MYRF: variants seen among roughly 807,000 people sequenced by gnomAD.
The protein encoded by MYRF is myelin gene regulatory factor.
Under a neutral mutation model 126.3 loss-of-function variants are expected in MYRF, and 16 were observed. The observed-to-expected ratio is 0.13, with a 90% CI of 0.09 to 0.19. MYRF has a LOEUF of 0.19. Ranked by LOEUF, MYRF falls within the 10% of genes least tolerant of loss-of-function variation. The probability of loss-of-function intolerance (pLI) is 1.00; values close to 1 mark genes in which losing one functional copy is unlikely to be tolerated. For synonymous variants in MYRF, 608 were observed against 635.3 expected (o/e 0.96, Z 0.65); for missense variants, 1,104 against 1,547.0 (o/e 0.71, Z 4.80).
intron 1 of MYRF, chr11:61,755,685 C>T: frequency 1.4e-6 from 1 of 700,028 alleles, no homozygotes; most frequent in Non-Finnish European, 2.6e-6. Context: ...TGAAGAAGCT[C>T]ACTGCCCAGC....
At chr11:61,755,775 A>G in intron 1 of MYRF, 2 of 558,920 alleles carry the variant, frequency 3.6e-6, no homozygotes, top group Non-Finnish European at 6.8e-6. Flanking sequence ...CTAGGGGCAC[A>G]TGAGGCTCGA....
chr11:61,776,262 G>A lies in MYRF; in HGVS notation c.1389-60G>A. 1 of 1,572,168 alleles carries A rather than the reference G, an allele frequency of 6.4e-7. No homozygotes were observed. ...ACGTTGCTGGCCTGGGTGCCCCTCA[G>A]TGGCGTGGCTCTTGCAGCCTCCCTC... On this transcript the variant is annotated intron_variant, in intron 9 of 26. Coordinates refer to ENST00000278836, the MANE Select transcript of MYRF (RefSeq NM_001127392.3). The surrounding 1 kb of genome is among the most constrained non-coding windows in gnomAD (Gnocchi z 4.3).
At chr11:61,768,785 AAAT>A (rs1185975642) in intron 3 of MYRF, 1 of 155,932 alleles carries the variant, frequency 6.4e-6, no homozygotes, top group African/African-American at 2.4e-5. Flanking sequence ...TGCAAGAAAA[AAAT>A]AAACCCAGGC....
At chr11:61,765,561 C>A in intron 1 of MYRF, 64 bp from the exon 2 acceptor site, 1 of 1,364,508 alleles carries the variant, frequency 7.3e-7, no homozygotes, top group Middle Eastern at 2.4e-4. Flanking sequence ...GAGGGCTGGG[C>A]CCTGAAGCCC....
At chr11:61,758,588 G>C (rs1044584470) in intron 1 of MYRF, among the ~76,000 whole-genome samples, 1 of 152,200 alleles carries the variant, frequency 6.6e-6, no homozygotes, top group Non-Finnish European at 1.5e-5. Flanking sequence ...GCCTGTCGTC[G>C]GGTCAGTGAG....
chr11:61,763,848 G>A (rs1039866949), intron 1 of MYRF, among the ~76,000 whole-genome samples: 3 of 151,992 alleles, frequency 2.0e-5, no homozygotes, highest in South Asian at 2.1e-4. Flanking sequence ...CTGGGAGACC[G>A]AGCAAGACTC....
intron 1 of MYRF, among the ~76,000 whole-genome samples, chr11:61,754,699 G>A (rs952983242): frequency 1.1e-4 from 17 of 152,166 alleles, no homozygotes; most frequent in Admixed American, 8.5e-4. Flanking sequence ...CTGGCGGGGG[G>A]AGGCTGCGCT....
rs773534120 is a variant in MYRF, at chr11:61,781,044, G to C, written c.2571G>C (p.Leu857=). ...GLPGIQPSLL[L]VTTSLTSSAP... is the part of the protein sequence containing the mutation. Reference sequence around the variant, plus strand: ...CAGGCATACAGCCCTCTTTGCTGCTGGGTGCGTGTCTGGGCAGGTCTGGGT... The same window carrying C: ...CAGGCATACAGCCCTCTTTGCTGCTCGGTGCGTGTCTGGGCAGGTCTGGGT... The change falls in exon 20 of 27, where the codon CTG becomes CTC. Residue 857 remains leucine (L), a splice_region_variant and synonymous_variant. Transcript: ENST00000278836. The C allele has an allele frequency of 1.6e-5, 25 of 1,609,808 alleles. No individual in the cohort carries two copies. The East Asian group carries it at 5.6e-4, about 36-fold the overall frequency.
In MYRF at chr11:61,778,313, C is replaced by T. The variant is rs1226581507; in HGVS notation, c.1904-67C>T. ...CCTCTCCAGTCTTGCTCCCACTGTA[C>T]ATTACAAAGCTGTGAGTAGCCCTTT... On this transcript the variant is annotated intron_variant, in intron 13 of 26. Coordinates refer to ENST00000278836, the MANE Select transcript of MYRF (RefSeq NM_001127392.3). The surrounding 1 kb of genome is among the most constrained non-coding windows in gnomAD (Gnocchi z 4.6). The T allele has an allele frequency of 9.5e-7, 1 of 1,057,048 alleles. No individual in the cohort carries two copies. The highest frequency in any genetic ancestry group is 1.5e-6 in the Non-Finnish European group (1 of 673,918). The allele number at this position is 1,057,048 out of a possible 1,614,324, so 65.5% of individuals were successfully genotyped here.
intron 8 of MYRF, 54 bp downstream of exon 8, chr11:61,774,216 T>C: frequency 6.7e-7 from 1 of 1,495,862 alleles, no homozygotes; most frequent in Non-Finnish European, 9.0e-7. Context: ...TTGGGGGCAC[T>C]GAAAGACCCC....
At chr11:61,784,408 G>A (rs1283544964) in intron 25 of MYRF, 23 bp downstream of exon 25, 13 of 1,595,336 alleles carry the variant, frequency 8.1e-6, no homozygotes, top group Admixed American at 5.1e-5. Flanking sequence ...GGGAAGCTGC[G>A]GGCCGGCCAG....
chr11:61,781,012 G>C lies in MYRF; in HGVS notation c.2539G>C (p.Gly847Arg). ...GCTCCGACAGTCCCCCTTGACCACG[G>C]GGCTACCAGGCATACAGCCCTCTTT... ...TQLRQSPLTT[G>R]LPGIQPSLLL... The change falls in exon 20 of 27, where the codon GGG becomes CGG. Residue 847 changes from glycine to arginine, a missense_variant. By Grantham distance (125) the Gly-to-Arg change is moderately radical. Around this residue, in one of 10 missense-constraint regions of MYRF, gnomAD observed 323 missense variants for 383.1 expected, o/e 0.84. Transcript: ENST00000278836. 1 of 1,610,018 alleles carries C rather than the reference G, an allele frequency of 6.2e-7. No individual in the cohort carries two copies. Among genetic ancestry groups the C allele is most frequent in the East Asian group, 2.2e-5 (1 of 44,878 alleles).
chr11:61,784,636 G>T lies in MYRF; in HGVS notation c.3300+251G>T, dbSNP rs148999057. The stretch of plus-strand genomic sequence containing the variant: ...GACGTGGGGAAGACAGCAGATCACA[G>T]GTGCTAATGTGGATGAGTGCAATGA... On this transcript the variant is annotated intron_variant, in intron 25 of 26. Coordinates refer to ENST00000278836, the MANE Select transcript of MYRF (RefSeq NM_001127392.3). 2,615 of 495,800 alleles carry T rather than the reference G, an allele frequency of 5.3e-3. 11 individuals are homozygous for T. Among genetic ancestry groups the T allele is most frequent in the Non-Finnish European group, 7.9e-3 (2,155 of 273,230 alleles). 30.7% of individuals were successfully genotyped at this position (495,800 alleles called of 1,614,324 possible). A position where few individuals can be genotyped will look rare whatever the true frequency, so the allele number is the denominator to read the frequency against.
Position 61,770,409 on chromosome 11 carries a change from G to A in MYRF, c.624G>A (p.Lys208=). The part of the protein sequence containing the change: ...YPVLQRDLYM[K]AEPPIPHYAA... ...TCCTGCAGCGGGATCTGTACATGAA[G>A]GCCGAGCCCCCGATCCCCCACTACG... The change falls in exon 5 of 27, where the codon AAG becomes AAA. Residue 208 remains lysine (K), a synonymous_variant. Coordinates refer to ENST00000278836, the MANE Select transcript of MYRF (RefSeq NM_001127392.3). 1.4e-6 allele frequency: 2 copies of A among 1,463,194 alleles called. No homozygotes were observed. The highest frequency in any genetic ancestry group is 2.9e-5 in the East Asian group (1 of 34,918). The allele number at this position is 1,463,194 out of a possible 1,614,324, so 90.6% of individuals were successfully genotyped here. A position where few individuals can be genotyped will look rare whatever the true frequency, so the allele number is the denominator to read the frequency against.
chr11:61,755,503 G>A, intron 1 of MYRF: 1 of 1,584,092 alleles, frequency 6.3e-7, no homozygotes, highest in Non-Finnish European at 8.6e-7. Context: ...CACGGGACAG[G>A]GCAGTGTCTG....
intron 21 of MYRF, 106 bp from the exon 22 acceptor site, chr11:61,781,467 A>C: frequency 3.2e-6 from 5 of 1,541,948 alleles, no homozygotes; most frequent in Non-Finnish European, 4.4e-6. Flanking sequence ...CCCTGAGAGG[A>C]CCAAGAGACA....
At chr11:61,766,660 C>G (rs372841832) in intron 3 of MYRF, 2 of 246,646 alleles carry the variant, frequency 8.1e-6, no homozygotes, top group Non-Finnish European at 8.0e-6. Flanking sequence ...TCAGTTCCCC[C>G]CTACCCAAGC....
rs1462108930 is a variant in MYRF at position 61,771,618 on chromosome 11, C to T, written c.859C>T (p.Leu287=). The T allele has an allele frequency of 3.1e-6, 5 of 1,614,026 alleles. No homozygotes were observed. The South Asian group carries it at 4.4e-5, about 14-fold the overall frequency. The change falls in exon 6 of 27, where the codon CTG becomes TTG. Residue 287 remains leucine (L), a synonymous_variant. Transcript: ENST00000278836. ...QEPGTVTALP[L]HPTRAPSPPW... ...GCCTGGGACCGTGACAGCCCTGCCT[C>T]TGCACCCCACTCGAGCCCCATCGCC...
intron 3 of MYRF, chr11:61,767,085 G>A (rs752729351): frequency 2.2e-6 from 1 of 456,600 alleles, no homozygotes; most frequent in Non-Finnish European, 4.4e-6. Flanking sequence ...CACAGAGGAT[G>A]CCCTGGGTGC....
Sources: gnomAD v4.1 joint callset for allele counts (sites outside exome capture counted in the v4.1 genomes callset) on GRCh38, gnomAD v4.1.1 for gene constraint, gnomAD v4.1.1 regional missense constraint, Gnocchi (gnomAD v3.1) non-coding constraint, MANE v1.5 for transcripts, NCBI Gene and HGNC (gene_info 2026-07-23, HGNC 2026-07-21) for gene names.